SGCZ: variants seen among roughly 807,000 people sequenced by gnomAD.
SGCZ encodes the protein sarcoglycan zeta, also known as zeta-sarcoglycan.
SGCZ carries 40 observed loss-of-function variants against 41.3 expected under a neutral mutation model. The ratio of observed to expected loss-of-function variants is 0.97; its 90% CI spans 0.75 to 1.26. The LOEUF (loss-of-function observed/expected upper bound fraction) is 1.26, where lower values mean the gene tolerates loss of function less well. Among genes scored for constraint, SGCZ ranks in the 50% most tolerant of loss-of-function variants. The probability of loss-of-function intolerance (pLI) is 0.00; values close to 1 mark genes in which losing one functional copy is unlikely to be tolerated. For synonymous variants in SGCZ, 206 were observed against 137.5 expected (o/e 1.50, Z -3.49); for missense variants, 552 against 369.8 (o/e 1.49, Z -4.04).
chr8:14,464,301 G>A (rs13281437), intron 2 of SGCZ, among the ~76,000 whole-genome samples: 1 of 151,242 alleles, frequency 6.6e-6, no homozygotes, highest in East Asian at 1.9e-4. Flanking sequence ...CTTCTTATCA[G>A]TTATAGGTCT....
intron 1 of SGCZ, among the ~76,000 whole-genome samples, chr8:15,062,932 A>G (rs939893949): frequency 6.6e-6 from 1 of 152,070 alleles, no homozygotes; most frequent in Non-Finnish European, 1.5e-5. Context: ...CTAACAAAGT[A>G]CTGCCTAGTA....
intron 1 of SGCZ, among the ~76,000 whole-genome samples, chr8:15,097,848 ATATATATACGTGTGTGTG>A (rs1319305186): frequency 0.27 from 5,079 of 18,734 alleles, 136 homozygotes; most frequent in East Asian, 0.36. Context: ...GTGTGTATAT[ATATATATACGTGTGTGTG>A]TATATATATA....
At chr8:14,545,737 T>C (rs187892558) in intron 2 of SGCZ, among the ~76,000 whole-genome samples, 2 of 152,276 alleles carry the variant, frequency 1.3e-5, no homozygotes, top group Admixed American at 1.3e-4. Context: ...CCCCTCACTC[T>C]AGTCTATTGT....
chr8:14,341,408 A>G (rs1013553337), intron 2 of SGCZ, among the ~76,000 whole-genome samples: 4 of 152,116 alleles, frequency 2.6e-5, no homozygotes, highest in Admixed American at 6.5e-5. Flanking sequence ...AAGACTTCCA[A>G]TTCCTCCACA....
intron 1 of SGCZ, among the ~76,000 whole-genome samples, chr8:14,880,642 T>C (rs75492320): frequency 0.066 from 10,037 of 152,238 alleles, 1,030 homozygotes; most frequent in African/African-American, 0.22. Flanking sequence ...GATGAGTTCA[T>C]GTCGATTGTA....
intron 4 of SGCZ, among the ~76,000 whole-genome samples, chr8:14,232,606 TTTA>T (rs1421638306): frequency 1.3e-5 from 2 of 151,868 alleles, no homozygotes; most frequent in African/African-American, 2.4e-5. Flanking sequence ...TATTTTTTAT[TTTA>T]TTATTATTAT....
At chr8:14,644,381 A>G (rs1370407104) in intron 1 of SGCZ, among the ~76,000 whole-genome samples, 2 of 151,866 alleles carry the variant, frequency 1.3e-5, no homozygotes, top group Non-Finnish European at 2.9e-5. Flanking sequence ...ACCTTCCAGC[A>G]AGCTGCCCTG....
chr8:14,992,521 C>CATCCTCCTCGTTCAA (rs1802052409), intron 1 of SGCZ, among the ~76,000 whole-genome samples: 1 of 149,898 alleles, frequency 6.7e-6, no homozygotes, highest in Admixed American at 6.6e-5. Context: ...ACCTCTCACC[C>CATCCTCCTCGTTCAA]TCAACTATTC....
intron 1 of SGCZ, among the ~76,000 whole-genome samples, chr8:15,221,689 G>C (rs1237485893): frequency 6.6e-6 from 1 of 152,116 alleles, no homozygotes; most frequent in Non-Finnish European, 1.5e-5. Flanking sequence ...CCATCAATGT[G>C]TGGAATAGTT....
intron 1 of SGCZ, among the ~76,000 whole-genome samples, chr8:14,976,963 T>C (rs1176867579): frequency 6.6e-6 from 1 of 152,244 alleles, no homozygotes; most frequent in African/African-American, 2.4e-5. Flanking sequence ...TAAAGTTTTC[T>C]GCAGTTTCAC....
chr8:14,490,350 C>T (rs1164811163), intron 2 of SGCZ, among the ~76,000 whole-genome samples: 1 of 152,146 alleles, frequency 6.6e-6, no homozygotes, highest in Non-Finnish European at 1.5e-5. Flanking sequence ...TTTATGTCTT[C>T]TGTGCATTAT....
chr8:14,237,694 TA>T lies in SGCZ; in HGVS notation c.337-16del, dbSNP rs768819190. On this transcript the variant is annotated splice_polypyrimidine_tract_variant and intron_variant, in intron 3 of 7. Coordinates refer to ENST00000382080, the MANE Select transcript of SGCZ (RefSeq NM_139167.4). ...AGCGGACTATCCTGGGAAACATGTATAAAATAAATAAATAGAAAATAGAAAT... is the reference window on the plus strand; with the variant it reads ...AGCGGACTATCCTGGGAAACATGTATAAATAAATAAATAGAAAATAGAAAT... 5 of 1,589,508 alleles carry T rather than the reference TA, an allele frequency of 3.1e-6. No individual in the cohort carries two copies. Among genetic ancestry groups the T allele is most frequent in the Non-Finnish European group, 4.3e-6 (5 of 1,164,976 alleles).
chr8:14,980,730 A>T (rs556215985), intron 1 of SGCZ, among the ~76,000 whole-genome samples: 114 of 120,100 alleles, frequency 9.5e-4, no homozygotes, highest in African/African-American at 3.4e-3. Flanking sequence ...TGCCCCTGTG[A>T]TTCAATCATC....
chr8:14,187,239 G>A (rs1804936073), intron 4 of SGCZ, among the ~76,000 whole-genome samples: 1 of 152,136 alleles, frequency 6.6e-6, no homozygotes, highest in African/African-American at 2.4e-5. Flanking sequence ...GAAATCCAGA[G>A]TTGGGATTAT....
chr8:14,140,211 T>C (rs1803324673), intron 5 of SGCZ, among the ~76,000 whole-genome samples: 1 of 152,142 alleles, frequency 6.6e-6, no homozygotes, highest in Non-Finnish European at 1.5e-5. Flanking sequence ...CCATAGCCAA[T>C]ATCATACTGA....
At chr8:14,528,859 G>C (rs142066931) in intron 2 of SGCZ, among the ~76,000 whole-genome samples, 1 of 141,194 alleles carries the variant, frequency 7.1e-6, no homozygotes, top group Non-Finnish European at 1.5e-5. Flanking sequence ...CAAAAAAAGA[G>C]AAAGTGCCAA....
chr8:14,545,672 T>G (rs1268123421), intron 2 of SGCZ, among the ~76,000 whole-genome samples: 1 of 152,184 alleles, frequency 6.6e-6, no homozygotes, highest in East Asian at 1.9e-4. Context: ...TTTAATTTTC[T>G]GGACTTCTGT....
intron 2 of SGCZ, among the ~76,000 whole-genome samples, chr8:14,440,816 C>CGTATACACGTAT (rs1800237103): frequency 7.0e-6 from 1 of 143,476 alleles, no homozygotes; most frequent in African/African-American, 2.9e-5. Context: ...TGTGTATACA[C>CGTATACACGTAT]ATGCATATAT....
chr8:14,461,447 T>A (rs1376111784), intron 2 of SGCZ, among the ~76,000 whole-genome samples: 1 of 152,074 alleles, frequency 6.6e-6, no homozygotes, highest in Non-Finnish European at 1.5e-5. Flanking sequence ...TCAAAATGGG[T>A]ACTGTAGAGC....
Sources: gnomAD v4.1 joint callset for allele counts (sites outside exome capture counted in the v4.1 genomes callset) on GRCh38, gnomAD v4.1.1 for gene constraint, MANE v1.5 for transcripts, NCBI Gene and HGNC (gene_info 2026-07-23, HGNC 2026-07-21) for gene names.